HERC4: variants seen among roughly 807,000 people sequenced by gnomAD.
HERC4 encodes probable E3 ubiquitin-protein ligase HERC4.
In HERC4, 28 loss-of-function variants were observed where a neutral mutation model predicts 124.3. The observed-to-expected ratio is 0.23, with a 90% CI of 0.17 to 0.31. The LOEUF is 0.31. Among genes scored for constraint, HERC4 ranks in the 10% least tolerant of loss-of-function variants. The pLI, the probability that HERC4 is intolerant of heterozygous loss-of-function variation, is 1.00. For synonymous variants in HERC4, 407 were observed against 421.5 expected (o/e 0.97, Z 0.42); for missense variants, 713 against 1,229.3 (o/e 0.58, Z 6.28).
intron 3 of HERC4, chr10:68,069,062 G>C: frequency 1.0e-6 from 1 of 984,780 alleles, no homozygotes; most frequent in Non-Finnish European, 1.2e-6. Flanking sequence ...GTTTAGTACT[G>C]TTTCTAACAT....
chr10:67,924,153 G>A (rs2030581407), intron 24 of HERC4, among the ~76,000 whole-genome samples: 1 of 152,108 alleles, frequency 6.6e-6, no homozygotes, highest in Non-Finnish European at 1.5e-5. Context: ...ACTGCAAATC[G>A]AAAATATTTT....
chr10:67,943,523 C>T (rs574776762), intron 19 of HERC4, among the ~76,000 whole-genome samples: 20 of 152,294 alleles, frequency 1.3e-4, no homozygotes, highest in Non-Finnish European at 2.5e-4. Flanking sequence ...GCCCAGTTAG[C>T]TCAGCTGGTA....
At position 67,988,764 on chromosome 10, in the gene HERC4, G is replaced by A; in HGVS notation, c.1705C>T (p.His569Tyr). 1 of 1,606,752 alleles carries A rather than the reference G, an allele frequency of 6.2e-7. No homozygotes were observed. The highest frequency in any genetic ancestry group is 8.5e-7 in the Non-Finnish European group (1 of 1,175,518). The change falls in exon 15 of 25, where the codon CAT becomes TAT. Residue 569 changes from histidine to tyrosine, a missense_variant. Transcript: ENST00000373700. ...CCGATCTTGTAGAGTTTCAAAAGAT[G>A]TACCACAACTTCCTTAAAAAGTTCT... The part of the protein sequence containing the change: ...IVELFKEVVV[H>Y]LLKLYKIGIP...
intron 16 of HERC4, among the ~76,000 whole-genome samples, chr10:67,960,534 T>C (rs1333247917): frequency 6.6e-6 from 1 of 152,106 alleles, no homozygotes; most frequent in Non-Finnish European, 1.5e-5. Flanking sequence ...TATAGGCATG[T>C]GCCACCACGC....
chr10:68,066,374 G>T (rs563512543), intron 3 of HERC4, among the ~76,000 whole-genome samples: 179 of 152,310 alleles, frequency 1.2e-3, no homozygotes, highest in African/African-American at 4.0e-3. Context: ...TACCCAAATT[G>T]TAAAACCAAA....
chr10:67,996,388 G>C (rs1401207240), intron 9 of HERC4, among the ~76,000 whole-genome samples: 1 of 152,024 alleles, frequency 6.6e-6, no homozygotes, highest in Non-Finnish European at 1.5e-5. Context: ...CACTGTCTTT[G>C]AGCTATTCAC....
Position 68,014,079 on chromosome 10 carries a change from A to G in HERC4, c.1016T>C (p.Phe339Ser). 2 of 1,613,762 alleles carry G rather than the reference A, an allele frequency of 1.2e-6. No individual in the cohort carries two copies. Among genetic ancestry groups the G allele is most frequent in the Non-Finnish European group, 1.7e-6 (2 of 1,179,794 alleles). ...TGSTSNRKSP[F>S]TVKGNWYPYN... ...GGGGTACCAATTTCCTTTTACAGTA[A>G]AGGGGCTTTTCCTGTTGCTTGTTGA... Residue 339 changes from phenylalanine to serine, a missense_variant, in exon 9 of 25, where the codon TTT (phenylalanine) becomes TCT (serine). By Grantham distance (155) the Phe-to-Ser change is radical (BLOSUM62 -2). Coordinates refer to ENST00000373700, the MANE Select transcript of HERC4 (RefSeq NM_015601.4).
chr10:68,031,539 C>G (rs1442676338), intron 7 of HERC4, among the ~76,000 whole-genome samples: 1 of 151,570 alleles, frequency 6.6e-6, no homozygotes, highest in South Asian at 2.1e-4. Context: ...TACTTTTGCG[C>G]CAACCTAATA....
At chr10:67,988,530 A>G in intron 15 of HERC4, 133 bp downstream of exon 15, 2 of 583,168 alleles carry the variant, frequency 3.4e-6, no homozygotes, top group Non-Finnish European at 5.7e-6. Flanking sequence ...AAGTATAGAT[A>G]ACTTTTCCAA....
intron 15 of HERC4, 21 bp from the exon 16 acceptor site, chr10:67,966,823 G>A (rs372235885): frequency 6.6e-7 from 1 of 1,526,536 alleles, no homozygotes; most frequent in African/African-American, 1.4e-5. Flanking sequence ...AAATGTAATT[G>A]ACATTAAATT....
chr10:68,043,417 A>G (rs1431617556), intron 4 of HERC4, among the ~76,000 whole-genome samples: 1 of 152,236 alleles, frequency 6.6e-6, no homozygotes, highest in African/African-American at 2.4e-5. Flanking sequence ...TAAATTTTAA[A>G]ACTAAGTATG....
intron 7 of HERC4, among the ~76,000 whole-genome samples, chr10:68,026,021 G>A (rs1478544211): frequency 1.3e-5 from 2 of 152,142 alleles, no homozygotes; most frequent in South Asian, 2.1e-4. Context: ...CACTTTTCAA[G>A]GTAGTTACTG....
At chr10:68,059,842 A>T (rs568088631) in intron 3 of HERC4, among the ~76,000 whole-genome samples, 5 of 24,680 alleles carry the variant, frequency 2.0e-4, no homozygotes, top group African/African-American at 1.9e-3. Context: ...ATATATTATA[A>T]TATATTATAT....
chr10:67,943,485 C>T (rs961976185), intron 19 of HERC4, among the ~76,000 whole-genome samples: 12 of 152,178 alleles, frequency 7.9e-5, no homozygotes, highest in African/African-American at 2.9e-4. Flanking sequence ...AGGAACTGGA[C>T]GTACCAATAC....
chr10:67,988,558 TG>T, intron 15 of HERC4, 104 bp downstream of exon 15: 1 of 773,940 alleles, frequency 1.3e-6, no homozygotes, highest in Non-Finnish European at 2.0e-6. Context: ...TAATATGCAT[TG>T]TTTTTGCCAA....
chr10:67,969,007 T>A (rs1030976101), intron 15 of HERC4, among the ~76,000 whole-genome samples: 1 of 151,932 alleles, frequency 6.6e-6, no homozygotes, highest in Non-Finnish European at 1.5e-5. Context: ...TCCTGGACCA[T>A]ACAATAAGTC....
intron 3 of HERC4, chr10:68,069,268 T>C (rs745547582): frequency 7.1e-5 from 67 of 950,278 alleles, no homozygotes; most frequent in Non-Finnish European, 7.8e-5. Context: ...AGATTAAATA[T>C]ATTTGTTAGC....
chr10:68,051,390 G>A (rs2040295089), intron 3 of HERC4, among the ~76,000 whole-genome samples: 1 of 148,894 alleles, frequency 6.7e-6, no homozygotes. Flanking sequence ...TGTCGCCCAG[G>A]CTGGAGTGCA....
At chr10:68,009,190 C>T (rs185645325) in intron 9 of HERC4, among the ~76,000 whole-genome samples, 62 of 151,800 alleles carry the variant, frequency 4.1e-4, no homozygotes, top group African/African-American at 1.0e-3. Flanking sequence ...CACCGCTGCA[C>T]TTCCAGCGTG....
Sources: gnomAD v4.1 joint callset for allele counts (sites outside exome capture counted in the v4.1 genomes callset) on GRCh38, gnomAD v4.1.1 for gene constraint, MANE v1.5 for transcripts, NCBI Gene and HGNC (gene_info 2026-07-23, HGNC 2026-07-21) for gene names.